NRXN1: variants seen among roughly 807,000 people sequenced by gnomAD.
NRXN1 encodes the protein neurexin 1, also known as neurexin-1.
A neutral mutation model predicts 150.9 loss-of-function variants in NRXN1; 39 were observed. That is an observed-to-expected ratio of 0.26 (90% CI 0.20 to 0.34). NRXN1 has a LOEUF of 0.34. Ranked by LOEUF, NRXN1 falls within the 10% of genes least tolerant of loss-of-function variation. The pLI, the probability that NRXN1 is intolerant of heterozygous loss-of-function variation, is 1.00. For synonymous variants in NRXN1, 924 were observed against 757.0 expected (o/e 1.22, Z -3.62); for missense variants, 1,815 against 1,949.9 (o/e 0.93, Z 1.30).
intron 18 of NRXN1, among the ~76,000 whole-genome samples, chr2:50,091,906 G>C (rs1477085511): frequency 1.3e-5 from 2 of 152,152 alleles, no homozygotes; most frequent in Non-Finnish European, 2.9e-5. Context: ...TGTCTGTTTA[G>C]AGCCCATTGA....
chr2:50,520,592 C>CA (rs952537958), intron 12 of NRXN1, among the ~76,000 whole-genome samples: 32 of 151,222 alleles, frequency 2.1e-4, no homozygotes, highest in Admixed American at 1.6e-3. Context: ...ATTGATAACT[C>CA]AAAAAAAATA....
chr2:50,904,720 C>T (rs1408933945), intron 5 of NRXN1, among the ~76,000 whole-genome samples: 3 of 152,052 alleles, frequency 2.0e-5, no homozygotes, highest in African/African-American at 7.2e-5. Flanking sequence ...AATATTTTTG[C>T]TGAGTTGAAA....
intron 5 of NRXN1, among the ~76,000 whole-genome samples, chr2:50,736,472 C>G (rs1205227446): frequency 1.3e-5 from 2 of 151,990 alleles, no homozygotes; most frequent in Admixed American, 1.3e-4. Flanking sequence ...TGGCTGTGTC[C>G]CCACCCAAAT....
intron 21 of NRXN1, among the ~76,000 whole-genome samples, chr2:49,967,369 A>G (rs1677136087): frequency 6.6e-6 from 1 of 152,092 alleles, no homozygotes; most frequent in Non-Finnish European, 1.5e-5. Flanking sequence ...TACATATAAA[A>G]TGACAAAGCT....
intron 2 of NRXN1, among the ~76,000 whole-genome samples, chr2:50,959,612 C>A (rs1692828079): frequency 6.6e-6 from 1 of 151,948 alleles, no homozygotes; most frequent in Admixed American, 6.6e-5. Context: ...ATGGGAAGGA[C>A]TATAAATGGT....
chr2:50,362,323 G>T (rs1023937544), intron 17 of NRXN1, among the ~76,000 whole-genome samples: 201 of 152,256 alleles, frequency 1.3e-3, no homozygotes, highest in African/African-American at 4.7e-3. Context: ...GTTTGCAGAT[G>T]ACATGATTGT....
rs578048348 is a variant in NRXN1, at chr2:50,869,140, T to C, written c.832+52729A>G. 5.9e-5 allele frequency among the ~76,000 whole-genome samples: 9 copies of C among 151,866 alleles called. 1 individual carries two copies. Among genetic ancestry groups the C allele is most frequent in the African/African-American group, 2.2e-4 (9 of 41,490 alleles). On this transcript the variant is annotated intron_variant, in intron 5 of 22. Transcript: ENST00000401669. ...ATATTGTTTTCTTGCTGACATGTGA[T>C]CTCTTTTTATAAGGAAATAATTCTT...
chr2:50,685,116 T>C (rs1249238145), intron 5 of NRXN1, among the ~76,000 whole-genome samples: 1 of 152,240 alleles, frequency 6.6e-6, no homozygotes, highest in African/African-American at 2.4e-5. Flanking sequence ...ATACTAAAAC[T>C]ACACATCTCA....
chr2:50,591,841 G>A (rs1037016040), intron 8 of NRXN1, among the ~76,000 whole-genome samples: 22 of 152,300 alleles, frequency 1.4e-4, no homozygotes, highest in African/African-American at 4.1e-4. Context: ...CGAAGATTTC[G>A]GCTTGGCTTC....
At chr2:50,159,435 A>G (rs750487450) in intron 18 of NRXN1, among the ~76,000 whole-genome samples, 3 of 152,110 alleles carry the variant, frequency 2.0e-5, no homozygotes, top group Non-Finnish European at 4.4e-5. Context: ...TTTGCTCCCC[A>G]CAAAACTAAA....
chr2:50,589,131 T>G (rs983560421), intron 8 of NRXN1: 2 of 151,918 alleles, frequency 1.3e-5, no homozygotes, highest in Non-Finnish European at 2.9e-5. Context: ...TCAAAGAAGG[T>G]GGTATCAAGG....
intron 21 of NRXN1, among the ~76,000 whole-genome samples, chr2:49,985,759 A>G (rs1187011539): frequency 6.6e-6 from 1 of 152,246 alleles, no homozygotes; most frequent in African/African-American, 2.4e-5. Flanking sequence ...GCATACTGTC[A>G]TGCAAATGAG....
chr2:50,463,754 C>A (rs1339068002), intron 17 of NRXN1, among the ~76,000 whole-genome samples: 1 of 151,706 alleles, frequency 6.6e-6, no homozygotes, highest in Non-Finnish European at 1.5e-5. Context: ...TCTGCCACAA[C>A]CAAATGGCAA....
At chr2:50,219,943 T>TATATTATATATATAA (rs61541788) in intron 18 of NRXN1, among the ~76,000 whole-genome samples, 1 of 75,500 alleles carries the variant, frequency 1.3e-5, no homozygotes, top group East Asian at 2.9e-4. Context: ...ATATTATATA[T>TATATTATATATATAA]TATATATATA....
chr2:50,306,076 C>A (rs1237267328), intron 17 of NRXN1, among the ~76,000 whole-genome samples: 3 of 152,124 alleles, frequency 2.0e-5, no homozygotes, highest in African/African-American at 7.2e-5. Context: ...GAAATCAAAC[C>A]TAACACCAAA....
intron 17 of NRXN1, among the ~76,000 whole-genome samples, chr2:50,411,779 G>T (rs1386825974): frequency 1.3e-5 from 2 of 152,104 alleles, no homozygotes; most frequent in Non-Finnish European, 2.9e-5. Flanking sequence ...GAAGTGAGGA[G>T]CCCCTCTGCC....
intron 8 of NRXN1, chr2:50,619,673 C>A (rs1679643737): frequency 2.6e-6 from 1 of 385,492 alleles, no homozygotes; most frequent in East Asian, 3.7e-5. Flanking sequence ...TCACTGTATG[C>A]ATAACACCTA....
At chr2:50,461,975 G>A (rs2104616555) in intron 17 of NRXN1, among the ~76,000 whole-genome samples, 1 of 152,068 alleles carries the variant, frequency 6.6e-6, no homozygotes, top group African/African-American at 2.4e-5. Flanking sequence ...GCAGTAATAT[G>A]CCATATGGAC....
At chr2:50,954,168 C>G (rs1425241457) in intron 2 of NRXN1, among the ~76,000 whole-genome samples, 1 of 152,108 alleles carries the variant, frequency 6.6e-6, no homozygotes, top group African/African-American at 2.4e-5. Flanking sequence ...TTATATATAT[C>G]AAATCTCACT....
Sources: gnomAD v4.1 joint callset for allele counts (sites outside exome capture counted in the v4.1 genomes callset) on GRCh38, gnomAD v4.1.1 for gene constraint, MANE v1.5 for transcripts, NCBI Gene and HGNC (gene_info 2026-07-23, HGNC 2026-07-21) for gene names.